The following CFAP46 variants were observed in gnomAD, a reference collection of about 807,000 sequenced individuals.
CFAP46 encodes cilia and flagella associated protein 46.
Under a neutral mutation model 325.7 loss-of-function variants are expected in CFAP46, and 245 were observed. The ratio of observed to expected loss-of-function variants is 0.75; its 90% CI spans 0.68 to 0.84. CFAP46 has a LOEUF of 0.84. Ranked by LOEUF, CFAP46 falls within the 40% of genes least tolerant of loss-of-function variation. The pLI, the probability that CFAP46 is intolerant of heterozygous loss-of-function variation, is 0.00. For synonymous variants in CFAP46, 1,523 were observed against 1,495.9 expected (o/e 1.02, Z -0.42); for missense variants, 3,346 against 3,543.0 (o/e 0.94, Z 1.41).
chr10:132,816,810 G>A (rs1847704808), intron 50 of CFAP46, among the ~76,000 whole-genome samples: 1 of 152,182 alleles, frequency 6.6e-6, no homozygotes, highest in Admixed American at 6.5e-5. Context: ...TTAGAAGTGA[G>A]CTGTTGAATT....
At position 132,869,459 on chromosome 10, in the gene CFAP46, G is replaced by A. The variant is rs751303552; in HGVS notation, c.4512-87C>T. On this transcript the variant is annotated intron_variant, in intron 32 of 57. Coordinates refer to ENST00000368586, the MANE Select transcript of CFAP46 (RefSeq NM_001200049.3). The surrounding 1 kb of genome is among the most constrained non-coding windows in gnomAD (Gnocchi z 6.2). ...GCTACTAGTGTGCTTCACAGAAAAC[G>A]GTCAACTAACACATCGAGGCACACT... 43 of 929,932 alleles carry A rather than the reference G, an allele frequency of 4.6e-5. No homozygotes were observed. The Admixed American group carries it at 7.3e-4, about 16-fold the overall frequency. The allele number at this position is 929,932 out of a possible 1,614,324, so 57.6% of individuals were successfully genotyped here. A position where few individuals can be genotyped will look rare whatever the true frequency, so the allele number is the denominator to read the frequency against.
chr10:132,833,243 G>T, intron 50 of CFAP46, 115 bp downstream of exon 50: 1 of 1,057,780 alleles, frequency 9.5e-7, no homozygotes, highest in Non-Finnish European at 1.4e-6. Flanking sequence ...CTAGAAAAAT[G>T]TTGCAACATT....
intron 25 of CFAP46, among the ~76,000 whole-genome samples, chr10:132,887,615 TCTC>T (rs201166377): frequency 2.9e-4 from 14 of 49,004 alleles, no homozygotes; most frequent in African/African-American, 5.6e-4. Flanking sequence ...TCCTCTCCTC[TCTC>T]CTCTTCTCTC....
rs763267238 is a variant in CFAP46 at position 132,834,773 on chromosome 10, T to C, written c.6747A>G (p.Glu2249=). The stretch of plus-strand genomic sequence containing the variant: ...TCTCTTCCACCTGCAGGCCTTCTGG[T>C]TCCTACCGCAATCCAAAAAAGAGGC... ...SEDMALNIGS[E]PEGLQVEEKE... is the part of the protein sequence containing the mutation. The change falls in exon 48 of 58, where the codon GAA becomes GAG. Residue 2249 remains glutamate (E), a splice_region_variant and synonymous_variant. Transcript: ENST00000368586. 1.9e-5 allele frequency: 31 copies of C among 1,610,034 alleles called. No individual in the cohort carries two copies. Among genetic ancestry groups the C allele is most frequent in the Admixed American group, 6.7e-5 (4 of 59,822 alleles).
rs147564713 is a variant in CFAP46, at chr10:132,834,172, G to A, written c.6867-49C>T. The A allele has an allele frequency of 3.2e-4, 504 of 1,564,084 alleles. 3 individuals are homozygous for A. The East Asian group carries it at 0.01, about 31-fold the overall frequency. Reference sequence around the variant, plus strand: ...GGTTTAAGAAACAGAGATAACAAACGCTTGGAATATAGGCGACACCTGCTC... The same window carrying A: ...GGTTTAAGAAACAGAGATAACAAACACTTGGAATATAGGCGACACCTGCTC... On this transcript the variant is annotated intron_variant, in intron 48 of 57. Coordinates refer to ENST00000368586, the MANE Select transcript of CFAP46 (RefSeq NM_001200049.3).
At chr10:132,880,685 C>CGCTG (rs1301694477) in intron 28 of CFAP46, among the ~76,000 whole-genome samples, 176 bp downstream of exon 28, 3,521 of 147,596 alleles carry the variant, frequency 0.024, 245 homozygotes, top group African/African-American at 0.084. Flanking sequence ...CAGAGGACAG[C>CGCTG]ACTGAGACAC....
rs971003150 is a variant in CFAP46, at chr10:132,876,808, G to A, written c.4362+4C>T. 9 of 1,547,918 alleles carry A rather than the reference G, an allele frequency of 5.8e-6. No homozygotes were observed. Among genetic ancestry groups the A allele is most frequent in the East Asian group, 2.4e-5 (1 of 40,926 alleles). On this transcript the variant is annotated splice_donor_region_variant and intron_variant, in intron 31 of 57. Coordinates refer to ENST00000368586, the MANE Select transcript of CFAP46 (RefSeq NM_001200049.3). The surrounding 1 kb of genome is among the most constrained non-coding windows in gnomAD (Gnocchi z 4.1). ...TCTTGAGCCTTTTCTTTATGTCAAC[G>A]TACCGGCTTCTGGATACTTGAGGGG...
At chr10:132,845,545 T>A (rs1488814949) in intron 44 of CFAP46, among the ~76,000 whole-genome samples, 3 of 152,214 alleles carry the variant, frequency 2.0e-5, no homozygotes, top group Non-Finnish European at 2.9e-5. Context: ...GCCATGCTTG[T>A]CTGTTTCCCA....
intron 32 of CFAP46, chr10:132,872,459 A>G (rs561471212): frequency 3.5e-6 from 2 of 564,126 alleles, no homozygotes; most frequent in East Asian, 3.2e-5. Context: ...GGGTCTTGCT[A>G]TGTTGCCCAG....
rs1849516593 is a variant in CFAP46, at chr10:132,909,953, T to C, written c.2615A>G (p.Gln872Arg). The C allele has an allele frequency of 2.6e-6, 4 of 1,526,900 alleles. No individual in the cohort carries two copies. The highest frequency in any genetic ancestry group is 1.4e-5 in the African/African-American group (1 of 71,940). 94.6% of individuals were successfully genotyped at this position (1,526,900 alleles called of 1,614,324 possible). The change falls in exon 20 of 58, where the codon CAG (glutamine) becomes CGG (arginine). Residue 872 changes from glutamine (Q) to arginine (R), a missense_variant. Coordinates refer to ENST00000368586, the MANE Select transcript of CFAP46 (RefSeq NM_001200049.3). Reference protein sequence around the residue: ...TWVKAKQLLQQQIGPRLGTEE... With the variant: ...TWVKAKQLLQRQIGPRLGTEE... ...GGTGCCCAGCCGTGGCCCAATCTGCTGCTGCAGCAGCTGCTTGGCCTTGAC... is the reference window on the plus strand; with the variant it reads ...GGTGCCCAGCCGTGGCCCAATCTGCCGCTGCAGCAGCTGCTTGGCCTTGAC...
At position 132,867,539 on chromosome 10, in the gene CFAP46, G is replaced by A. The variant is rs1848834410; in HGVS notation, c.4611-32C>T. 3 of 1,540,856 alleles carry A rather than the reference G, an allele frequency of 1.9e-6. No homozygotes were observed. The East Asian group carries it at 7.3e-5, about 38-fold the overall frequency. On this transcript the variant is annotated intron_variant, in intron 33 of 57. Transcript: ENST00000368586. The stretch of plus-strand genomic sequence containing the variant: ...CGAGGAAAACAGACAATACGCAAGA[G>A]CCACATGGCCACGAAAATGTCCCTT...
chr10:132,808,628 T>C lies in CFAP46; in HGVS notation c.7941A>G (p.Ser2647=). 6.2e-7 allele frequency: 1 copy of C among 1,608,962 alleles called. No homozygotes were observed. Among genetic ancestry groups the C allele is most frequent in the Non-Finnish European group, 8.5e-7 (1 of 1,177,968 alleles). ...AAGTCGCTGGGGGAGGGTCCCTGGC[T>C]GAGGCTGCACCAAGGGCTGGGGAGA... ...LGLSPALGAA[S]ARDPPPATSR... The change falls in exon 58 of 58, where the codon TCA becomes TCG. Residue 2647 remains serine (S), a synonymous_variant. Coordinates refer to ENST00000368586, the MANE Select transcript of CFAP46 (RefSeq NM_001200049.3). The surrounding 1 kb of genome is among the most constrained non-coding windows in gnomAD (Gnocchi z 6.8).
At position 132,859,082 on chromosome 10, in the gene CFAP46, C is replaced by G. The variant is rs982583160; in HGVS notation, c.5364G>C (p.Ala1788=). 1.3e-6 allele frequency: 2 copies of G among 1,550,514 alleles called. No homozygotes were observed. The highest frequency in any genetic ancestry group is 4.9e-5 in the East Asian group (2 of 40,928). Residue 1788 remains alanine (A), a synonymous_variant, in exon 38 of 58, where the codon GCG becomes GCC. Transcript: ENST00000368586. ...ENCVDVKLER[A]KIKRLRAQNE... The stretch of plus-strand genomic sequence containing the variant: ...GGAGGCAGCCTTACCTCTTGATCTT[C>G]GCACGCTCTAGTTTTACGTCAACAC...
At chr10:132,870,845 T>C (rs982904168) in intron 32 of CFAP46, among the ~76,000 whole-genome samples, 5 of 151,974 alleles carry the variant, frequency 3.3e-5, no homozygotes, top group African/African-American at 4.8e-5. Context: ...GCATGGATGG[T>C]GGCTACGCTA....
chr10:132,940,991 C>A lies in CFAP46; in HGVS notation c.371+5G>T, dbSNP rs1303477594. ...GTGAGAAACGGCCACTTCAATTTTG[C>A]CTACCTCGGTTCTCCTTTGGCAAAG... is the stretch of plus-strand genomic sequence containing the variant. On this transcript the variant is annotated splice_donor_5th_base_variant and intron_variant, in intron 4 of 57. Coordinates refer to ENST00000368586, the MANE Select transcript of CFAP46 (RefSeq NM_001200049.3). 4 of 1,614,006 alleles carry A rather than the reference C, an allele frequency of 2.5e-6. No individual in the cohort carries two copies. The African/African-American group carries it at 5.3e-5, about 22-fold the overall frequency.
chr10:132,823,171 CT>C (rs2134886362), intron 50 of CFAP46, among the ~76,000 whole-genome samples: 1 of 69,678 alleles, frequency 1.4e-5, no homozygotes. Flanking sequence ...GTGATGTGTG[CT>C]GTCTGTGCGC....
At chr10:132,915,572 G>A (rs1032540118) in intron 17 of CFAP46, among the ~76,000 whole-genome samples, 2 of 151,702 alleles carry the variant, frequency 1.3e-5, no homozygotes, top group African/African-American at 4.9e-5. Context: ...CCCAGCTTCT[G>A]CCCCGAGGGA....
chr10:132,877,732 C>T lies in CFAP46; in HGVS notation c.4212+149G>A. On this transcript the variant is annotated intron_variant, in intron 30 of 57. Transcript: ENST00000368586. The surrounding 1 kb of genome is among the most constrained non-coding windows in gnomAD (Gnocchi z 5.7). ...CCTGGGGCTCCTCCGAGAACCCTGA[C>T]AGGCAGGGAAACTGAGGCACAGGCC... 3.7e-6 allele frequency: 3 copies of T among 809,394 alleles called. No individual in the cohort carries two copies. In the South Asian group the frequency reaches 5.4e-5, roughly 15 times the overall value. The allele number at this position is 809,394 out of a possible 1,614,324, so 50.1% of individuals were successfully genotyped here.
chr10:132,916,722 G>A, intron 16 of CFAP46, 40 bp from the exon 17 acceptor site: 7 of 1,417,130 alleles, frequency 4.9e-6, no homozygotes, highest in Non-Finnish European at 6.5e-6. Context: ...CATGGGCGGA[G>A]CACGGGCCCA....
Sources: allele counts gnomAD v4.1 joint callset (sites outside exome capture counted in the v4.1 genomes callset), GRCh38; gene constraint gnomAD v4.1.1; non-coding constraint Gnocchi (gnomAD v3.1); transcripts MANE v1.5; gene names NCBI Gene and HGNC (gene_info 2026-07-23, HGNC 2026-07-21).